The following AOPEP variants were observed in gnomAD, a reference collection of about 807,000 sequenced individuals.
The protein encoded by AOPEP is aminopeptidase O.
A neutral mutation model predicts 98.1 loss-of-function variants in AOPEP; 77 were observed. The observed-to-expected ratio is 0.78, with a 90% CI of 0.65 to 0.95. The LOEUF (loss-of-function observed/expected upper bound fraction) is 0.95. AOPEP is among the 40% of genes least tolerant of loss of function. The pLI is 0.00. For missense variants in AOPEP, 1,024 were observed against 1,024.7 expected, an observed-to-expected ratio of 1.00 and a Z score of 0.01; for synonymous variants, 346 against 365.3, an observed-to-expected ratio of 0.95 and a Z score of 0.60.
chr9:94,760,896 G>C (rs928520218), intron 2 of AOPEP, among the ~76,000 whole-genome samples: 1 of 152,204 alleles, frequency 6.6e-6, no homozygotes. Flanking sequence ...TGGTGACTTG[G>C]AGTGCTGTAG....
chr9:94,869,081 T>A (rs1405414697), intron 5 of AOPEP, among the ~76,000 whole-genome samples: 1 of 151,948 alleles, frequency 6.6e-6, no homozygotes, highest in Non-Finnish European at 1.5e-5. Context: ...ATACAAAAAT[T>A]AGCTGGGCAT....
chr9:94,961,274 G>T (rs941749783), intron 9 of AOPEP, among the ~76,000 whole-genome samples: 6 of 151,970 alleles, frequency 3.9e-5, no homozygotes, highest in Non-Finnish European at 7.4e-5. Context: ...GGTGTCTATG[G>T]TTTTCTATCT....
At chr9:95,040,474 C>T (rs888874218) in intron 13 of AOPEP, among the ~76,000 whole-genome samples, 1 of 152,234 alleles carries the variant, frequency 6.6e-6, no homozygotes, top group Non-Finnish European at 1.5e-5. Context: ...TGGTAACCCC[C>T]TTTTTCTGAA....
At chr9:95,042,715 C>T (rs2065442538) in intron 13 of AOPEP, among the ~76,000 whole-genome samples, 2 of 152,188 alleles carry the variant, frequency 1.3e-5, no homozygotes, top group African/African-American at 4.8e-5. Flanking sequence ...GTCCTTCTCA[C>T]ACTGCTGTCT....
chr9:95,097,809 T>C, the AOPEP span, among the ~76,000 whole-genome samples: 1 of 152,194 alleles, frequency 6.6e-6, no homozygotes. Flanking sequence ...TATAAACCAA[T>C]TGTGGAACTG....
chr9:94,765,319 G>A (rs975400125), intron 2 of AOPEP, among the ~76,000 whole-genome samples: 23 of 151,648 alleles, frequency 1.5e-4, no homozygotes, highest in African/African-American at 5.1e-4. Flanking sequence ...AAAAATATAT[G>A]CCAGATGTGG....
At position 94,726,722 on chromosome 9, in the gene AOPEP, G is replaced by A. The variant is rs1044479094; in HGVS notation, c.-165G>A. ...CCGTAGTAACCCCGAGTCTGCGGAA[G>A]TGGTGACCCGTGGGACGCGGCTGAG... On this transcript the variant is annotated 5_prime_UTR_variant, in exon 1 of 17. It adds an upstream start codon to the 5' untranslated region. Coordinates refer to ENST00000375315, the MANE Select transcript of AOPEP (RefSeq NM_001193329.3). 1.3e-5 allele frequency: 2 copies of A among 152,320 alleles called. No homozygotes were observed. Among genetic ancestry groups the A allele is most frequent in the Admixed American group, 1.3e-4 (2 of 15,294 alleles). The allele number at this position is 152,320 out of a possible 1,614,324, so 9.4% of individuals were successfully genotyped here.
chr9:94,771,910 C>T (rs1469508016), intron 2 of AOPEP, among the ~76,000 whole-genome samples: 1 of 152,118 alleles, frequency 6.6e-6, no homozygotes, highest in Non-Finnish European at 1.5e-5. Context: ...CATTTAAACT[C>T]ATTCCCGAGT....
intron 10 of AOPEP, among the ~76,000 whole-genome samples, chr9:94,978,619 A>T (rs550102270): frequency 6.6e-6 from 1 of 152,284 alleles, no homozygotes; most frequent in African/African-American, 2.4e-5. Flanking sequence ...GATCCTGGGT[A>T]TGAGCAAGAG....
At chr9:95,110,274 C>T in the AOPEP span, 14 of 1,011,356 alleles carry the variant, frequency 1.4e-5, no homozygotes, top group African/African-American at 2.4e-4. Context: ...AAGTGATTCT[C>T]TGTCAGTAAC....
rs1011572034 is a variant in AOPEP, at chr9:95,005,565, C to CCGGAGACCCCGAAAA, written c.2069_2083dup (p.Arg690_Arg694dup). ...AGGTCACGAAATGGATTGGAGTGAA[C>CCGGAGACCCCGAAAA]CGGAGACCCCGAAAACGGAAGCGCA... On this transcript the variant is annotated inframe_insertion, in exon 13 of 17. Transcript: ENST00000375315. 2.5e-6 allele frequency: 4 copies of CCGGAGACCCCGAAAA among 1,613,726 alleles called. No homozygotes were observed. In the African/African-American group the frequency reaches 5.3e-5, roughly 22 times the overall value.
intron 13 of AOPEP, among the ~76,000 whole-genome samples, chr9:95,021,183 C>T (rs1435105916): frequency 1.3e-5 from 2 of 152,126 alleles, no homozygotes; most frequent in East Asian, 3.9e-4. Flanking sequence ...CCCTCATTCC[C>T]CAAAACTTGG....
At chr9:94,818,972 C>T (rs1026925422) in intron 5 of AOPEP, among the ~76,000 whole-genome samples, 34 of 152,216 alleles carry the variant, frequency 2.2e-4, no homozygotes, top group Admixed American at 1.9e-3. Context: ...CCAGCCTGGG[C>T]GACAGAGTGA....
chr9:94,971,483 A>G (rs371450037), intron 10 of AOPEP, among the ~76,000 whole-genome samples: 217 of 152,290 alleles, frequency 1.4e-3, no homozygotes, highest in African/African-American at 5.0e-3. Flanking sequence ...TATGCGACAT[A>G]TTGTACCAAT....
the AOPEP span, chr9:95,101,099 A>C: frequency 4.2e-6 from 1 of 237,822 alleles, no homozygotes; most frequent in Non-Finnish European, 8.3e-6. Flanking sequence ...TCATTTAGCA[A>C]ATACAGAGTG....
At chr9:95,091,710 C>T (rs2070869070), downstream of AOPEP, among the ~76,000 whole-genome samples, 1 of 152,176 alleles carries the variant, frequency 6.6e-6, no homozygotes, top group Non-Finnish European at 1.5e-5. Flanking sequence ...TCTCTTCCCA[C>T]CCTCCCTGCT....
intron 5 of AOPEP, among the ~76,000 whole-genome samples, chr9:94,802,737 A>G (rs1848457653): frequency 6.6e-6 from 1 of 152,202 alleles, no homozygotes; most frequent in South Asian, 2.1e-4. Context: ...TTGGTTGTCA[A>G]ATACCATTTT....
chr9:94,850,256 G>T lies in AOPEP; in HGVS notation c.1364+49254G>T, dbSNP rs935868574. ...TTTTTATTAGCAAGAAGAAGACATA[G>T]ATTTTAAATTATTAATATGCAAAAA... is the stretch of plus-strand genomic sequence containing the variant. On this transcript the variant is annotated intron_variant, in intron 5 of 16. Transcript: ENST00000375315. Among the ~76,000 whole-genome samples, 3 of 3,784 alleles carry T rather than the reference G, an allele frequency of 7.9e-4. No individual in the cohort carries two copies. In the Admixed American group the frequency reaches 0.018, roughly 23 times the overall value. The allele number at this position is 3,784 out of a possible 152,430, so 2.5% of individuals were successfully genotyped here.
At chr9:95,030,889 A>C (rs976960149) in intron 13 of AOPEP, among the ~76,000 whole-genome samples, 2 of 152,376 alleles carry the variant, frequency 1.3e-5, no homozygotes, top group Admixed American at 1.3e-4. Context: ...TATTTCTAAG[A>C]AACATGCAGT....
Sources: allele counts gnomAD v4.1 joint callset (sites outside exome capture counted in the v4.1 genomes callset), GRCh38; gene constraint gnomAD v4.1.1; transcripts MANE v1.5; gene names NCBI Gene and HGNC (gene_info 2026-07-23, HGNC 2026-07-21).